Variants in ARHGAP26 observed in about 807,000 individuals in gnomAD.
ARHGAP26 encodes the protein Rho GTPase activating protein 26, also known as rho GTPase-activating protein 26.
Under a neutral mutation model 104.8 loss-of-function variants are expected in ARHGAP26, and 38 were observed. That is an observed-to-expected ratio of 0.36 (90% CI 0.28 to 0.48). ARHGAP26 has a LOEUF of 0.48. Among genes scored for constraint, ARHGAP26 ranks in the 20% least tolerant of loss-of-function variants. ARHGAP26 has a pLI of 0.99. For missense variants in ARHGAP26, 704 were observed against 947.9 expected, an observed-to-expected ratio of 0.74 and a Z score of 3.38; for synonymous variants, 341 against 340.0, an observed-to-expected ratio of 1.00 and a Z score of -0.03.
intron 17 of ARHGAP26, among the ~76,000 whole-genome samples, chr5:143,114,425 C>G (rs771117776): frequency 3.3e-5 from 5 of 152,102 alleles, no homozygotes; most frequent in Non-Finnish European, 1.5e-5. Context: ...AGTGAGGATT[C>G]CCCCCGCCAT....
At chr5:142,983,261 C>T (rs773010340) in intron 11 of ARHGAP26, among the ~76,000 whole-genome samples, 2 of 152,120 alleles carry the variant, frequency 1.3e-5, no homozygotes, top group Non-Finnish European at 2.9e-5. Context: ...GACTGGAGTA[C>T]AGTGGCGCAA....
chr5:142,933,999 G>A (rs1198770219), intron 11 of ARHGAP26, among the ~76,000 whole-genome samples: 2 of 152,038 alleles, frequency 1.3e-5, no homozygotes, highest in Non-Finnish European at 1.5e-5. Context: ...CATAGGGGAG[G>A]AAGTGCCCAG....
intron 1 of ARHGAP26, among the ~76,000 whole-genome samples, chr5:142,804,885 A>G (rs572060244): frequency 6.6e-6 from 1 of 152,016 alleles, no homozygotes; most frequent in South Asian, 2.1e-4. Context: ...GCAACCACTA[A>G]TCTGTGTTTT....
At position 142,949,923 on chromosome 5, in the gene ARHGAP26, A is replaced by G. The variant is rs576824921; in HGVS notation, c.1107+17798A>G. Among the ~76,000 whole-genome samples the G allele has an allele frequency of 3.3e-5, 5 of 152,350 alleles. No individual in the cohort carries two copies. The East Asian group carries it at 9.6e-4, about 29-fold the overall frequency. On this transcript the variant is annotated intron_variant, in intron 11 of 22. Coordinates refer to ENST00000645722, the MANE Select transcript of ARHGAP26 (RefSeq NM_001135608.3). ...TGTGGCCTACTGCCAATAAATGAAA[A>G]CTATTGACCAGGTCATTTCATGAGA...
chr5:143,162,894 A>G (rs1801440773), intron 20 of ARHGAP26, among the ~76,000 whole-genome samples: 1 of 152,110 alleles, frequency 6.6e-6, no homozygotes, highest in African/African-American at 2.4e-5. Flanking sequence ...AGCACTTCAG[A>G]AAGATCACTT....
chr5:143,034,641 T>G (rs1006210547), intron 12 of ARHGAP26, among the ~76,000 whole-genome samples: 7 of 152,128 alleles, frequency 4.6e-5, no homozygotes, highest in African/African-American at 1.7e-4. Flanking sequence ...GCAAAAATGT[T>G]CTGGAGTTAG....
chr5:142,947,332 GTGC>G (rs1010226750), intron 11 of ARHGAP26, among the ~76,000 whole-genome samples: 4 of 152,144 alleles, frequency 2.6e-5, no homozygotes, highest in African/African-American at 7.2e-5. Flanking sequence ...AGGGATGGTG[GTGC>G]TGCTGCCTAG....
intron 20 of ARHGAP26, among the ~76,000 whole-genome samples, chr5:143,195,487 C>A (rs1211694905): frequency 6.6e-6 from 1 of 152,156 alleles, no homozygotes; most frequent in East Asian, 1.9e-4. Flanking sequence ...AGAGCCAATG[C>A]CCCTCAGCCT....
chr5:142,944,438 T>A (rs1766812414), intron 11 of ARHGAP26, among the ~76,000 whole-genome samples: 1 of 152,208 alleles, frequency 6.6e-6, no homozygotes, highest in African/African-American at 2.4e-5. Flanking sequence ...ATATTTAATA[T>A]TCCAGTAGAT....
At position 143,221,251 on chromosome 5, in the gene ARHGAP26, A is replaced by G. The variant is rs182008776; in HGVS notation, c.2192-1107A>G. 4.4e-3 allele frequency among the ~76,000 whole-genome samples: 673 copies of G among 152,224 alleles called. 5 individuals are homozygous for G. Among genetic ancestry groups the G allele is most frequent in the Non-Finnish European group, 5.9e-3 (403 of 68,016 alleles). On this transcript the variant is annotated intron_variant, in intron 22 of 22. Transcript: ENST00000645722. The stretch of plus-strand genomic sequence containing the variant: ...ATGGATCATGATGTCACAAAAGTAG[A>G]TATATATTCTTTGGATACTGAAAAA...
chr5:142,974,829 C>T (rs540785696), intron 11 of ARHGAP26, among the ~76,000 whole-genome samples: 6 of 152,304 alleles, frequency 3.9e-5, no homozygotes, highest in African/African-American at 1.2e-4. Context: ...TTGTTCCTTT[C>T]GCCCTCTGTC....
chr5:142,946,596 A>G (rs1767148135), intron 11 of ARHGAP26: 1 of 152,214 alleles, frequency 6.6e-6, no homozygotes, highest in Non-Finnish European at 1.5e-5. Flanking sequence ...AATATTTGTT[A>G]GTGATCAAAT....
chr5:143,058,466 C>T (rs1301976457), intron 17 of ARHGAP26, among the ~76,000 whole-genome samples: 1 of 152,244 alleles, frequency 6.6e-6, no homozygotes, highest in Non-Finnish European at 1.5e-5. Context: ...AATGGCATTG[C>T]TGACTTCCCG....
At chr5:142,868,898 G>A (rs1754793888) in intron 1 of ARHGAP26, 1 of 152,532 alleles carries the variant, frequency 6.6e-6, no homozygotes, top group Admixed American at 6.5e-5. Context: ...GCCAGCTTGT[G>A]TTTCCTTGCC....
intron 13 of ARHGAP26, among the ~76,000 whole-genome samples, chr5:143,039,127 G>C (rs1315595723): frequency 6.6e-6 from 1 of 152,042 alleles, no homozygotes; most frequent in African/African-American, 2.4e-5. Context: ...GATTTTTACT[G>C]TTTCCCTTTG....
At chr5:142,867,318 TG>T in intron 1 of ARHGAP26, among the ~76,000 whole-genome samples, 1 of 151,170 alleles carries the variant, frequency 6.6e-6, no homozygotes, top group East Asian at 2.1e-4. Flanking sequence ...TGTGTGTGTG[TG>T]TGTGTGTGTT....
At chr5:142,960,641 G>T (rs1598398684) in intron 11 of ARHGAP26, among the ~76,000 whole-genome samples, 1 of 152,194 alleles carries the variant, frequency 6.6e-6, no homozygotes, top group East Asian at 1.9e-4. Flanking sequence ...TAATGTGAAA[G>T]AAACTCCCAT....
chr5:143,156,568 AC>A (rs891601354), intron 20 of ARHGAP26, among the ~76,000 whole-genome samples: 14 of 152,122 alleles, frequency 9.2e-5, no homozygotes, highest in Non-Finnish European at 2.9e-5. Context: ...GTTTTACCAA[AC>A]CCTGCAGATG....
In ARHGAP26 at chr5:143,199,587, C is replaced by T. The variant is rs377085067; in HGVS notation, c.1989-7611C>T. 9.9e-5 allele frequency among the ~76,000 whole-genome samples: 15 copies of T among 152,248 alleles called. No homozygotes were observed. In the South Asian group the frequency reaches 3.1e-3, roughly 32 times the overall value. ...TTTCATCATAGGGGCAAAATCAAAG[C>T]CGCCCCCTGTTAGTTTAATAGCACC... On this transcript the variant is annotated intron_variant, in intron 20 of 22. Transcript: ENST00000645722.
Sources: gnomAD v4.1 joint callset for allele counts (sites outside exome capture counted in the v4.1 genomes callset) on GRCh38, gnomAD v4.1.1 for gene constraint, MANE v1.5 for transcripts, NCBI Gene and HGNC (gene_info 2026-07-23, HGNC 2026-07-21) for gene names.